EHBP1: variants seen among roughly 807,000 people sequenced by gnomAD.
EHBP1 encodes the protein EH domain binding protein 1, also known as EH domain-binding protein 1.
In EHBP1, 55 loss-of-function variants were observed where a neutral mutation model predicts 144.0. The observed-to-expected ratio is 0.38, with a 90% confidence interval of 0.31 to 0.48. The LOEUF is 0.48. EHBP1 is among the 20% of genes least tolerant of loss of function. The probability of loss-of-function intolerance (pLI) is 0.98; values close to 1 mark genes in which losing one functional copy is unlikely to be tolerated. For synonymous variants in EHBP1, 469 were observed against 472.7 expected (o/e 0.99, Z 0.10); for missense variants, 1,200 against 1,364.2 (o/e 0.88, Z 1.90).
intron 1 of EHBP1, among the ~76,000 whole-genome samples, chr2:62,679,406 C>A (rs889179969): frequency 6.6e-6 from 1 of 152,190 alleles, no homozygotes; most frequent in East Asian, 1.9e-4. Flanking sequence ...TATGACATCA[C>A]TGGTATGTGT....
rs2041000629 is a variant in EHBP1, at chr2:62,764,306, GTGT to G, written c.210_212del (p.Val71del). 1 of 1,581,684 alleles carries G rather than the reference GTGT, an allele frequency of 6.3e-7. No individual in the cohort carries two copies. The highest frequency in any genetic ancestry group is 8.6e-7 in the Non-Finnish European group (1 of 1,166,280). On this transcript the variant is annotated inframe_deletion, in exon 4 of 23. Transcript: ENST00000431489. ...CCTGGAATAAAAAATCCCTATCGTGGTGTTGTTGTGTGGCCTGTTCCTGAAAAC... is the reference window on the plus strand; with the variant it reads ...CCTGGAATAAAAAATCCCTATCGTGGTGTTGTGTGGCCTGTTCCTGAAAAC...
intron 10 of EHBP1, among the ~76,000 whole-genome samples, chr2:62,902,741 GA>G (rs745780702): frequency 6.6e-6 from 1 of 152,146 alleles, no homozygotes; most frequent in East Asian, 1.9e-4. Flanking sequence ...TTATATGTAT[GA>G]TGAGACCATA....
intron 7 of EHBP1, among the ~76,000 whole-genome samples, chr2:62,840,066 T>TCA (rs2047673222): frequency 6.6e-6 from 1 of 151,952 alleles, no homozygotes; most frequent in South Asian, 2.1e-4. Flanking sequence ...GCTGGAGGCA[T>TCA]CACACTACCT....
intron 9 of EHBP1, chr2:62,872,061 T>C (rs975505777): frequency 2.6e-5 from 4 of 152,146 alleles, no homozygotes; most frequent in African/African-American, 9.7e-5. Flanking sequence ...TTTAATAACT[T>C]TGAATTTGTT....
At chr2:62,906,870 T>G (rs1050657275) in intron 10 of EHBP1, among the ~76,000 whole-genome samples, 2 of 152,232 alleles carry the variant, frequency 1.3e-5, no homozygotes, top group Non-Finnish European at 2.9e-5. Flanking sequence ...GAATTTATAC[T>G]TCAAGAATGT....
At chr2:62,877,967 A>T (rs553410128) in intron 10 of EHBP1, among the ~76,000 whole-genome samples, 1 of 152,314 alleles carries the variant, frequency 6.6e-6, no homozygotes, top group East Asian at 1.9e-4. Flanking sequence ...AGAAGATGAC[A>T]AATCTTCAGC....
At chr2:63,044,445 G>T (rs1405432114) in intron 21 of EHBP1, 1 of 152,162 alleles carries the variant, frequency 6.6e-6, no homozygotes, top group African/African-American at 2.4e-5. Context: ...GAGAGCTGCA[G>T]TGTAATATTG....
chr2:62,858,863 T>A (rs2049285283), intron 7 of EHBP1, among the ~76,000 whole-genome samples: 1 of 152,238 alleles, frequency 6.6e-6, no homozygotes, highest in African/African-American at 2.4e-5. Flanking sequence ...GAGTGAAGAA[T>A]GTTCTTTCTA....
At chr2:63,032,566 CAAAAAAAAAAAAAA>C (rs35237077) in intron 19 of EHBP1, among the ~76,000 whole-genome samples, 2 of 28,292 alleles carry the variant, frequency 7.1e-5, no homozygotes, top group Non-Finnish European at 1.3e-4. Context: ...GACTCTGTCT[CAAAAAAAAAAAAAA>C]AAAAAAAAAA....
At chr2:62,794,340 G>A (rs2043385740) in intron 5 of EHBP1, among the ~76,000 whole-genome samples, 1 of 151,916 alleles carries the variant, frequency 6.6e-6, no homozygotes, top group Admixed American at 6.6e-5. Context: ...GTATTTCTTG[G>A]TAGCTTGATA....
At chr2:62,856,213 A>G (rs1447961056) in intron 7 of EHBP1, among the ~76,000 whole-genome samples, 1 of 152,214 alleles carries the variant, frequency 6.6e-6, no homozygotes, top group African/African-American at 2.4e-5. Context: ...GGGCTGAAAC[A>G]TGCCCCTTGC....
intron 19 of EHBP1, among the ~76,000 whole-genome samples, chr2:63,030,522 C>G (rs896529263): frequency 2.0e-5 from 3 of 151,978 alleles, no homozygotes; most frequent in African/African-American, 7.3e-5. Flanking sequence ...GAGTCTCGCT[C>G]TATCGCCCAG....
At chr2:62,891,215 T>C (rs1056953652) in intron 10 of EHBP1, among the ~76,000 whole-genome samples, 3 of 151,796 alleles carry the variant, frequency 2.0e-5, no homozygotes, top group African/African-American at 7.3e-5. Flanking sequence ...AAGTAACCTA[T>C]GACTCAAGAA....
intron 2 of EHBP1, chr2:62,726,493 T>C (rs1368750979): frequency 6.6e-6 from 1 of 152,332 alleles, no homozygotes; most frequent in Non-Finnish European, 1.5e-5. Flanking sequence ...GTTAGGCATG[T>C]GCCAGTCATT....
intron 19 of EHBP1, among the ~76,000 whole-genome samples, chr2:63,029,679 A>C (rs1018235451): frequency 6.6e-6 from 1 of 152,148 alleles, no homozygotes; most frequent in South Asian, 2.1e-4. Flanking sequence ...AGTTTCAATA[A>C]TTAGTCTGAG....
chr2:62,985,302 G>T (rs1183314843), intron 15 of EHBP1, among the ~76,000 whole-genome samples: 2 of 152,018 alleles, frequency 1.3e-5, no homozygotes, highest in East Asian at 1.9e-4. Context: ...ACATAAGAAG[G>T]CATATGAGAT....
At chr2:62,989,658 G>T (rs781596441) in intron 15 of EHBP1, among the ~76,000 whole-genome samples, 3 of 152,064 alleles carry the variant, frequency 2.0e-5, no homozygotes, top group Non-Finnish European at 4.4e-5. Flanking sequence ...TTAAGTGTTG[G>T]CATGGAAGTA....
intron 13 of EHBP1, 43 bp from the exon 14 acceptor site, chr2:62,955,474 C>A: frequency 6.4e-7 from 1 of 1,552,008 alleles, no homozygotes; most frequent in Non-Finnish European, 8.7e-7. Flanking sequence ...TGTAGATTAC[C>A]CGTTTTTTTT....
rs758265664 is a variant in EHBP1, at chr2:63,028,530, G to A, written c.3104-9005G>A. On this transcript the variant is annotated intron_variant, in intron 19 of 22. Transcript: ENST00000431489. ...AGTGATCCTCCCCTCAGCCTCCTGA[G>A]TACCTGATACTACAGGCATGCTCCA... is the stretch of plus-strand genomic sequence containing the variant. 2.8e-4 allele frequency among the ~76,000 whole-genome samples: 43 copies of A among 151,798 alleles called. 1 individual carries two copies. Among genetic ancestry groups the A allele is most frequent in the Non-Finnish European group, 5.3e-4 (36 of 67,968 alleles).
Sources: allele counts gnomAD v4.1 joint callset (sites outside exome capture counted in the v4.1 genomes callset), GRCh38; gene constraint gnomAD v4.1.1; transcripts MANE v1.5; gene names NCBI Gene and HGNC (gene_info 2026-07-23, HGNC 2026-07-21).